Variants in KCNQ4 observed in about 807,000 individuals in gnomAD.
The protein encoded by KCNQ4 is potassium voltage-gated channel subfamily Q member 4, also known as potassium voltage-gated channel subfamily KQT member 4.
In KCNQ4, 31 loss-of-function variants were observed where a neutral mutation model predicts 72.6. The observed-to-expected ratio is 0.43, with a 90% CI of 0.32 to 0.58. The LOEUF is 0.58. Ranked by LOEUF, KCNQ4 falls within the 20% of genes least tolerant of loss-of-function variation. The probability of loss-of-function intolerance (pLI) is 0.08; values close to 1 mark genes in which losing one functional copy is unlikely to be tolerated. For missense variants in KCNQ4, 869 were observed against 962.6 expected, an observed-to-expected ratio of 0.90 and a Z score of 1.29; for synonymous variants, 405 against 403.7, an observed-to-expected ratio of 1.00 and a Z score of -0.04.
intron 1 of KCNQ4, among the ~76,000 whole-genome samples, chr1:40,787,640 C>T (rs977562863): frequency 6.6e-6 from 1 of 152,156 alleles, no homozygotes; most frequent in African/African-American, 2.4e-5. Flanking sequence ...GGCCACTGAG[C>T]CCCTCTCCAA....
chr1:40,815,930 G>A (rs1648072243), intron 1 of KCNQ4, among the ~76,000 whole-genome samples: 1 of 152,130 alleles, frequency 6.6e-6, no homozygotes, highest in African/African-American at 2.4e-5. Flanking sequence ...CACGAAACAT[G>A]AATATAAATA....
At chr1:40,800,338 A>T (rs765784837) in intron 1 of KCNQ4, among the ~76,000 whole-genome samples, 26 of 152,202 alleles carry the variant, frequency 1.7e-4, no homozygotes, top group Middle Eastern at 3.2e-3. Context: ...ATTCCAAGGC[A>T]TCCAAGAACT....
chr1:40,827,109 C>G (rs931351708), intron 9 of KCNQ4, among the ~76,000 whole-genome samples: 4 of 152,230 alleles, frequency 2.6e-5, no homozygotes, highest in African/African-American at 9.6e-5. Context: ...TAGCAGATGC[C>G]TGAAGGAGCT....
intron 1 of KCNQ4, among the ~76,000 whole-genome samples, chr1:40,792,149 C>T (rs1647295915): frequency 6.6e-6 from 1 of 152,150 alleles, no homozygotes; most frequent in African/African-American, 2.4e-5. Flanking sequence ...AGCCTCGGGC[C>T]TGTCCAGGTT....
rs1223851337 is a variant in KCNQ4 at position 40,838,728 on chromosome 1, AG to A, written c.*207del. Reference sequence around the variant, plus strand: ...CCCCACCTCAGGAGCGTGAGATGCCAGGTCGCACAGAGGGCAGCAGCAGCGG... The same window carrying A: ...CCCCACCTCAGGAGCGTGAGATGCCAGTCGCACAGAGGGCAGCAGCAGCGG... On this transcript the variant is annotated 3_prime_UTR_variant, in exon 14 of 14. Coordinates refer to ENST00000347132, the MANE Select transcript of KCNQ4 (RefSeq NM_004700.4). The A allele has an allele frequency of 8.0e-6, 5 of 622,150 alleles. No homozygotes were observed. The African/African-American group carries it at 9.1e-5, about 11-fold the overall frequency. The allele number at this position is 622,150 out of a possible 1,614,324, so 38.5% of individuals were successfully genotyped here.
Position 40,784,217 on chromosome 1 carries a change from C to T in KCNQ4, c.124C>T (p.Pro42Ser). Residue 42 changes from proline to serine, a missense_variant, in exon 1 of 14, where the codon CCG (proline) becomes TCG (serine). Pro to Ser is a moderately conservative substitution (Grantham distance 74). Coordinates refer to ENST00000347132, the MANE Select transcript of KCNQ4 (RefSeq NM_004700.4). This position sits in a 1 kb window ranked among gnomAD's most constrained non-coding sequence, Gnocchi z 4.1. ...GGGCGAGGCGGGCGGGGGCGGCTCC[C>T]CGCGCCGCCTCGGCCTCCTGGGCAG... ...EQGEAGGGGS[P>S]RRLGLLGSPL... is the part of the protein sequence containing the mutation. 8.6e-7 allele frequency: 1 copy of T among 1,168,136 alleles called. No homozygotes were observed. Among genetic ancestry groups the T allele is most frequent in the Non-Finnish European group, 1.1e-6 (1 of 951,878 alleles). 72.4% of individuals were successfully genotyped at this position (1,168,136 alleles called of 1,614,324 possible).
At position 40,814,106 on chromosome 1, in the gene KCNQ4, T is replaced by G. The variant is rs1236438341; in HGVS notation, c.315-3159T>G. On this transcript the variant is annotated intron_variant, in intron 1 of 13. Transcript: ENST00000347132. Reference sequence around the variant, plus strand: ...CTTGCTCTTGTTGCCCAGACTGGAGTGCAATGGTGCCATCTTGGCTCACTG... The same window carrying G: ...CTTGCTCTTGTTGCCCAGACTGGAGGGCAATGGTGCCATCTTGGCTCACTG... Among the ~76,000 whole-genome samples the G allele has an allele frequency of 1.1e-4, 14 of 126,768 alleles. No homozygotes were observed. The East Asian group carries it at 3.3e-3, about 30-fold the overall frequency. The allele number at this position is 126,768 out of a possible 152,430, so 83.2% of individuals were successfully genotyped here.
chr1:40,817,389 G>T lies in KCNQ4; in HGVS notation c.405+34G>T, dbSNP rs1648126390. On this transcript the variant is annotated intron_variant, in intron 2 of 13. Transcript: ENST00000347132. The surrounding 1 kb of genome is among the most constrained non-coding windows in gnomAD (Gnocchi z 5.5). ...TGGGAGTCCGGGACTGAGGGGGGCT[G>T]TGTGAGGTAGCACCTCTGGGCTGGG... is the stretch of plus-strand genomic sequence containing the variant. 6.4e-7 allele frequency: 1 copy of T among 1,550,896 alleles called. No individual in the cohort carries two copies. Among genetic ancestry groups the T allele is most frequent in the Non-Finnish European group, 8.9e-7 (1 of 1,126,160 alleles).
intron 8 of KCNQ4, among the ~76,000 whole-genome samples, chr1:40,823,815 G>C (rs1648380531): frequency 1.3e-5 from 2 of 152,222 alleles, no homozygotes; most frequent in South Asian, 4.1e-4. Flanking sequence ...GGCACGTTCA[G>C]GCAGTCAGCT....
chr1:40,833,139 C>A (rs750106813), intron 11 of KCNQ4, 26 bp downstream of exon 11: 51 of 1,554,404 alleles, frequency 3.3e-5, no homozygotes, highest in Admixed American at 5.0e-5. Flanking sequence ...GAGGCGAGCA[C>A]CCCCCTCCGT....
At chr1:40,799,800 G>A (rs549459686) in intron 1 of KCNQ4, among the ~76,000 whole-genome samples, 8 of 152,318 alleles carry the variant, frequency 5.3e-5, no homozygotes, top group East Asian at 1.9e-4. Context: ...CTGGCCTCCC[G>A]GTAACCTCAG....
In KCNQ4 at chr1:40,819,138, G is replaced by C. The variant is rs12097892; in HGVS notation, c.709-209G>C. ...GACTCAAGGCAGGCGGGGTGAGGGT[G>C]GGGGTGGGAATGGGGGTCGGGGTAG... On this transcript the variant is annotated intron_variant, in intron 4 of 13. Coordinates refer to ENST00000347132, the MANE Select transcript of KCNQ4 (RefSeq NM_004700.4). The C allele has an allele frequency of 8.4e-3, 4,754 of 564,824 alleles. 239 individuals carry two copies. The highest frequency in any genetic ancestry group is 0.083 in the African/African-American group (4,129 of 49,662). 35.0% of individuals were successfully genotyped at this position (564,824 alleles called of 1,614,324 possible).
At chr1:40,818,733 C>G in intron 4 of KCNQ4, 53 bp downstream of exon 4, 3 of 1,537,108 alleles carry the variant, frequency 2.0e-6, no homozygotes, top group Non-Finnish European at 2.6e-6. Context: ...GGGGCACGAC[C>G]AGAGCGGGCA....
chr1:40,814,343 C>T (rs541864662), intron 1 of KCNQ4, among the ~76,000 whole-genome samples: 7 of 152,058 alleles, frequency 4.6e-5, no homozygotes, highest in Non-Finnish European at 8.8e-5. Flanking sequence ...CATGAGCCAC[C>T]GCACCCAGCC....
At chr1:40,804,692 C>G (rs1428860944) in intron 1 of KCNQ4, among the ~76,000 whole-genome samples, 1 of 152,084 alleles carries the variant, frequency 6.6e-6, no homozygotes, top group African/African-American at 2.4e-5. Flanking sequence ...GTGGCACCCA[C>G]CTGTGGCCCC....
intron 1 of KCNQ4, among the ~76,000 whole-genome samples, chr1:40,813,755 TTTTTG>T (rs1464045350): frequency 9.3e-5 from 14 of 150,820 alleles, no homozygotes; most frequent in South Asian, 4.2e-4. Flanking sequence ...TTTGTTTTTG[TTTTTG>T]TTTTTGAGAC....
Position 40,838,652 on chromosome 1 carries a change from A to T in KCNQ4, c.*129A>T. Reference sequence around the variant, plus strand: ...CACGGGGAGAGAGACCACACGCAGTATTGAGCTGCCTGAGTGGGCGTGGTA... The same window carrying T: ...CACGGGGAGAGAGACCACACGCAGTTTTGAGCTGCCTGAGTGGGCGTGGTA... On this transcript the variant is annotated 3_prime_UTR_variant, in exon 14 of 14. Transcript: ENST00000347132. 1 of 890,766 alleles carries T rather than the reference A, an allele frequency of 1.1e-6. No individual in the cohort carries two copies. The highest frequency in any genetic ancestry group is 1.8e-6 in the Non-Finnish European group (1 of 550,624). 55.2% of individuals were successfully genotyped at this position (890,766 alleles called of 1,614,324 possible).
At chr1:40,818,898 A>G in intron 4 of KCNQ4, 3 of 575,070 alleles carry the variant, frequency 5.2e-6, no homozygotes, top group South Asian at 4.0e-5. Flanking sequence ...GGACCGGATC[A>G]GGGGGCGGGG....
At chr1:40,818,799 T>C in intron 4 of KCNQ4, 119 bp downstream of exon 4, 2 of 1,170,714 alleles carry the variant, frequency 1.7e-6, no homozygotes, top group Non-Finnish European at 2.4e-6. Context: ...GGGTGTGGCC[T>C]GCGGGGGTTG....
Sources: gnomAD v4.1 joint callset for allele counts (sites outside exome capture counted in the v4.1 genomes callset) on GRCh38, gnomAD v4.1.1 for gene constraint, Gnocchi (gnomAD v3.1) non-coding constraint, MANE v1.5 for transcripts, NCBI Gene and HGNC (gene_info 2026-07-23, HGNC 2026-07-21) for gene names.